Variants in CLSTN2 observed in about 807,000 individuals in gnomAD.
CLSTN2 encodes calsyntenin 2.
CLSTN2 carries 48 observed loss-of-function variants against 101.2 expected under a neutral mutation model. The observed-to-expected ratio is 0.47, with a 90% CI of 0.38 to 0.60. CLSTN2 has a LOEUF of 0.60. Ranked by LOEUF, CLSTN2 falls within the 20% of genes least tolerant of loss-of-function variation. CLSTN2 has a pLI of 0.00. For synonymous variants in CLSTN2, 481 were observed against 463.6 expected, an observed-to-expected ratio of 1.04 and a Z score of -0.48; for missense variants, 1,160 against 1,238.2, an observed-to-expected ratio of 0.94 and a Z score of 0.95.
chr3:140,179,585 A>C (rs1278335105), intron 2 of CLSTN2, among the ~76,000 whole-genome samples: 3 of 121,670 alleles, frequency 2.5e-5, no homozygotes, highest in African/African-American at 9.0e-5. Flanking sequence ...GTGAGCTGAG[A>C]TTGTTCCACT....
chr3:140,442,652 G>A (rs1179131724), intron 5 of CLSTN2, among the ~76,000 whole-genome samples: 1 of 152,166 alleles, frequency 6.6e-6, no homozygotes, highest in African/African-American at 2.4e-5. Flanking sequence ...TCGAGGGGTG[G>A]CTATCAGGAG....
intron 2 of CLSTN2, among the ~76,000 whole-genome samples, chr3:140,202,619 A>C (rs1683313242): frequency 6.6e-6 from 1 of 152,158 alleles, no homozygotes; most frequent in Non-Finnish European, 1.5e-5. Context: ...TTGGGAGAAA[A>C]GTCTGACTGC....
intron 4 of CLSTN2, among the ~76,000 whole-genome samples, chr3:140,409,732 A>G (rs74747565): frequency 6.6e-6 from 1 of 152,188 alleles, no homozygotes; most frequent in Non-Finnish European, 1.5e-5. Context: ...AATTCCTGAT[A>G]AGAATTTGAA....
chr3:140,507,950 C>T (rs922475160), intron 8 of CLSTN2: 3 of 152,112 alleles, frequency 2.0e-5, no homozygotes, highest in African/African-American at 7.2e-5. Flanking sequence ...AGTTCCAATC[C>T]CAAGTAAGTG....
intron 1 of CLSTN2, among the ~76,000 whole-genome samples, chr3:139,943,967 ACT>A (rs1935177919): frequency 6.6e-6 from 1 of 151,596 alleles, no homozygotes; most frequent in African/African-American, 2.4e-5. Flanking sequence ...TAGATCCCAA[ACT>A]CTCCAGCCTG....
chr3:140,528,090 A>G (rs1935179863), intron 8 of CLSTN2, among the ~76,000 whole-genome samples: 1 of 152,188 alleles, frequency 6.6e-6, no homozygotes, highest in Admixed American at 6.5e-5. Flanking sequence ...CTTGAAAAAT[A>G]ATGTCATTTC....
intron 5 of CLSTN2, among the ~76,000 whole-genome samples, chr3:140,426,394 T>C (rs1303942578): frequency 6.6e-6 from 1 of 152,254 alleles, no homozygotes; most frequent in Non-Finnish European, 1.5e-5. Context: ...TTTCTGTTCC[T>C]GCATTAGTTT....
intron 5 of CLSTN2, among the ~76,000 whole-genome samples, chr3:140,436,506 C>A (rs1343482612): frequency 6.6e-6 from 1 of 152,236 alleles, no homozygotes; most frequent in African/African-American, 2.4e-5. Context: ...GACATAATAA[C>A]CAGAGTTCAC....
At chr3:140,565,693 T>C (rs1005073603) in intron 16 of CLSTN2, among the ~76,000 whole-genome samples, 2 of 152,226 alleles carry the variant, frequency 1.3e-5, no homozygotes, top group Non-Finnish European at 2.9e-5. Flanking sequence ...CACTAAGGCT[T>C]GGACAGCTCC....
chr3:140,507,433 G>A (rs1934706816), intron 8 of CLSTN2: 2 of 152,202 alleles, frequency 1.3e-5, no homozygotes, highest in African/African-American at 4.8e-5. Context: ...CTCCAAGGTT[G>A]GAATGGGCAT....
At chr3:140,085,033 C>T (rs901621779) in intron 1 of CLSTN2, among the ~76,000 whole-genome samples, 2 of 152,324 alleles carry the variant, frequency 1.3e-5, no homozygotes, top group Admixed American at 6.5e-5. Context: ...CCGTTTACTT[C>T]TCCAACATTT....
intron 2 of CLSTN2, among the ~76,000 whole-genome samples, chr3:140,225,177 C>T (rs1462537345): frequency 6.6e-6 from 1 of 152,204 alleles, no homozygotes; most frequent in African/African-American, 2.4e-5. Context: ...CCACCCTTCC[C>T]CCACCTGCTG....
chr3:140,286,618 G>A (rs2086898115), intron 2 of CLSTN2, among the ~76,000 whole-genome samples: 1 of 152,180 alleles, frequency 6.6e-6, no homozygotes. Flanking sequence ...TGGAGTATAA[G>A]CACCTTTAGG....
intron 2 of CLSTN2, among the ~76,000 whole-genome samples, chr3:140,304,807 C>T (rs1646063607): frequency 6.6e-6 from 1 of 152,126 alleles, no homozygotes; most frequent in Non-Finnish European, 1.5e-5. Context: ...TTTGAGTCCC[C>T]ACCCCAACCC....
chr3:139,981,897 G>A (rs954536347), intron 1 of CLSTN2, among the ~76,000 whole-genome samples: 5 of 152,180 alleles, frequency 3.3e-5, no homozygotes, highest in Non-Finnish European at 7.3e-5. Flanking sequence ...AATTCTGTCT[G>A]TTTCCAAGGC....
intron 1 of CLSTN2, among the ~76,000 whole-genome samples, chr3:140,013,330 C>T (rs747012274): frequency 3.3e-5 from 5 of 152,212 alleles, no homozygotes; most frequent in Non-Finnish European, 7.3e-5. Context: ...GTGAAGTCTG[C>T]AGGCTGTGCT....
At chr3:140,323,768 C>A (rs1033112181) in intron 2 of CLSTN2, among the ~76,000 whole-genome samples, 3 of 152,170 alleles carry the variant, frequency 2.0e-5, no homozygotes, top group African/African-American at 7.2e-5. Flanking sequence ...CTGGAAGAAA[C>A]AATGAGGAAA....
At chr3:140,205,359 G>A (rs1376958079) in intron 2 of CLSTN2, among the ~76,000 whole-genome samples, 4 of 152,302 alleles carry the variant, frequency 2.6e-5, no homozygotes, top group African/African-American at 4.8e-5. Context: ...TGCCTATAGG[G>A]CATGCACAGT....
intron 8 of CLSTN2, among the ~76,000 whole-genome samples, chr3:140,498,924 A>G (rs1934518808): frequency 6.6e-6 from 1 of 150,824 alleles, no homozygotes; most frequent in Admixed American, 6.6e-5. Context: ...AATCCCCAGC[A>G]CTGAGCACTC....
Sources: allele counts gnomAD v4.1 joint callset (sites outside exome capture counted in the v4.1 genomes callset), GRCh38; gene constraint gnomAD v4.1.1; transcripts MANE v1.5; gene names NCBI Gene and HGNC (gene_info 2026-07-23, HGNC 2026-07-21).